LGSN: variants seen among roughly 807,000 people sequenced by gnomAD.
LGSN encodes the protein lengsin, lens protein with glutamine synthetase domain, also known as lengsin.
In LGSN, 21 loss-of-function variants were observed where a neutral mutation model predicts 19.5. The observed-to-expected ratio is 1.07, with a 90% CI of 0.76 to 1.55. LGSN has a LOEUF of 1.55. LGSN is among the 40% of genes most tolerant of loss of function. The probability of loss-of-function intolerance (pLI) is 0.00; values close to 1 mark genes in which losing one functional copy is unlikely to be tolerated. For synonymous variants in LGSN, 257 were observed against 215.6 expected (o/e 1.19, Z -1.68); for missense variants, 673 against 608.5 (o/e 1.11, Z -1.12).
chr6:63,342,077 C>T, the LGSN span, among the ~76,000 whole-genome samples: 20 of 152,158 alleles, frequency 1.3e-4, no homozygotes, highest in African/African-American at 4.8e-4. Flanking sequence ...GACATGGTGT[C>T]CCATGGGTGA....
the LGSN span, among the ~76,000 whole-genome samples, chr6:63,526,050 C>T: frequency 2.0e-5 from 3 of 152,162 alleles, no homozygotes; most frequent in East Asian, 3.9e-4. Context: ...CTAGGCCAGG[C>T]GCAGTGGCTC....
At chr6:63,538,779 T>C in the LGSN span, among the ~76,000 whole-genome samples, 7 of 152,254 alleles carry the variant, frequency 4.6e-5, no homozygotes, top group Non-Finnish European at 8.8e-5. Flanking sequence ...TCCAGAGTTC[T>C]GATTCCAGAG....
At chr6:63,389,824 T>C in the LGSN span, among the ~76,000 whole-genome samples, 2 of 152,154 alleles carry the variant, frequency 1.3e-5, no homozygotes, top group Non-Finnish European at 2.9e-5. Flanking sequence ...AATGCAGTCA[T>C]TTTAAATTAT....
the LGSN span, among the ~76,000 whole-genome samples, chr6:63,448,958 T>C: frequency 6.6e-6 from 1 of 152,230 alleles, no homozygotes; most frequent in East Asian, 1.9e-4. Flanking sequence ...TAACAACTAT[T>C]TGTATAGCAT....
chr6:63,339,085 G>T, the LGSN span, among the ~76,000 whole-genome samples: 3 of 152,218 alleles, frequency 2.0e-5, no homozygotes, highest in East Asian at 5.8e-4. Context: ...CTTGTTTTGT[G>T]GCCTAATATA....
chr6:63,431,418 G>A, the LGSN span, among the ~76,000 whole-genome samples: 1 of 152,202 alleles, frequency 6.6e-6, no homozygotes, highest in Non-Finnish European at 1.5e-5. Context: ...TCTATCAGCA[G>A]AGAGAATGGA....
chr6:63,280,131 G>C lies in LGSN; in HGVS notation c.1420C>G (p.Gln474Glu). 2 of 1,614,162 alleles carry C rather than the reference G, an allele frequency of 1.2e-6. No homozygotes were observed. Among genetic ancestry groups the C allele is most frequent in the Non-Finnish European group, 8.5e-7 (1 of 1,180,026 alleles). Residue 474 changes from glutamine to glutamate, a missense_variant, in exon 4 of 4, where the codon CAG becomes GAG. By Grantham distance (29) the Gln-to-Glu change is conservative. Coordinates refer to ENST00000370657, the MANE Select transcript of LGSN (RefSeq NM_016571.3). ...CGAATAAAGGTTTCTCCTAGAGCCT[G>C]TCTCAGGCATTGATCTTCTTCCAGT... is the stretch of plus-strand genomic sequence containing the variant. Reference protein sequence around the residue: ...VALEEDQCLRQALGETFIRYF... With the variant: ...VALEEDQCLREALGETFIRYF...
At chr6:63,554,877 A>G in the LGSN span, among the ~76,000 whole-genome samples, 2 of 152,218 alleles carry the variant, frequency 1.3e-5, no homozygotes, top group African/African-American at 4.8e-5. Context: ...ATGTTTGTAT[A>G]TCCACCTCTT....
the LGSN span, among the ~76,000 whole-genome samples, chr6:63,387,715 T>C: frequency 2.6e-5 from 4 of 152,298 alleles, no homozygotes; most frequent in South Asian, 8.3e-4. Flanking sequence ...TTTTTTTTTT[T>C]TTGAGCCAGG....
chr6:63,343,758 A>G, the LGSN span, among the ~76,000 whole-genome samples: 1 of 152,184 alleles, frequency 6.6e-6, no homozygotes, highest in Non-Finnish European at 1.5e-5. Context: ...ATCCCAAACC[A>G]CTGATTTTAA....
the LGSN span, among the ~76,000 whole-genome samples, chr6:63,559,189 T>C: frequency 6.6e-6 from 1 of 152,164 alleles, no homozygotes; most frequent in Admixed American, 6.5e-5. Context: ...AACATGCTAA[T>C]GAGGAAAAAT....
chr6:63,397,788 C>T, the LGSN span, among the ~76,000 whole-genome samples: 8 of 151,676 alleles, frequency 5.3e-5, no homozygotes, highest in Admixed American at 6.6e-5. Flanking sequence ...TGTGGTGGCA[C>T]GCCTGTAATT....
At chr6:63,361,553 T>C in the LGSN span, among the ~76,000 whole-genome samples, 1 of 152,168 alleles carries the variant, frequency 6.6e-6, no homozygotes, top group Non-Finnish European at 1.5e-5. Flanking sequence ...GTGCCGTCTG[T>C]CACACCTTTC....
chr6:63,499,223 A>G, the LGSN span, among the ~76,000 whole-genome samples: 1 of 152,118 alleles, frequency 6.6e-6, no homozygotes, highest in Non-Finnish European at 1.5e-5. Flanking sequence ...AATCATTTTT[A>G]CATTAATGTG....
chr6:63,455,173 A>C, the LGSN span, among the ~76,000 whole-genome samples: 1 of 152,310 alleles, frequency 6.6e-6, no homozygotes, highest in East Asian at 1.9e-4. Context: ...CAAGGAAAAA[A>C]CAAATAGCTC....
chr6:63,325,895 G>A, the LGSN span, among the ~76,000 whole-genome samples: 1 of 152,140 alleles, frequency 6.6e-6, no homozygotes, highest in African/African-American at 2.4e-5. Flanking sequence ...GTGTGGAAGG[G>A]GACCCGAGTG....
At chr6:63,539,169 C>T in the LGSN span, among the ~76,000 whole-genome samples, 1 of 152,150 alleles carries the variant, frequency 6.6e-6, no homozygotes, top group African/African-American at 2.4e-5. Context: ...ACTGGGATTA[C>T]AGTCATGAGC....
chr6:63,450,473 A>T, the LGSN span, among the ~76,000 whole-genome samples: 33 of 151,622 alleles, frequency 2.2e-4, no homozygotes, highest in African/African-American at 7.5e-4. Context: ...TTGAATCCGG[A>T]GGCAGAGGTT....
the LGSN span, among the ~76,000 whole-genome samples, chr6:63,527,071 T>A: frequency 6.6e-6 from 1 of 152,054 alleles, no homozygotes; most frequent in Admixed American, 6.6e-5. Context: ...CTCAGGCAGT[T>A]TCTTTTATCT....
Sources: allele counts gnomAD v4.1 joint callset (sites outside exome capture counted in the v4.1 genomes callset), GRCh38; gene constraint gnomAD v4.1.1; transcripts MANE v1.5; gene names NCBI Gene and HGNC (gene_info 2026-07-23, HGNC 2026-07-21).